TEX11: variants seen among roughly 807,000 people sequenced by gnomAD.
TEX11 encodes testis expressed 11, also known as testis-expressed protein 11.
A neutral mutation model predicts 84.4 loss-of-function variants in TEX11; 7 were observed. The ratio of observed to expected loss-of-function variants is 0.08; its 90% CI spans 0.05 to 0.16. The LOEUF (loss-of-function observed/expected upper bound fraction) is 0.16. Ranked by LOEUF, TEX11 falls within the 10% of genes least tolerant of loss-of-function variation. The pLI is 1.00. For synonymous variants in TEX11, 264 were observed against 222.8 expected (o/e 1.18, Z -1.64); for missense variants, 551 against 660.5 (o/e 0.83, Z 1.82).
At chrX:70,760,991 G>A (rs910778951) in intron 9 of TEX11, among the ~76,000 whole-genome samples, 14 of 111,993 alleles carry the variant, frequency 1.3e-4, no homozygotes, top group Admixed American at 5.7e-4. Flanking sequence ...TTTATGCAGC[G>A]AACAGACATA....
intron 9 of TEX11, among the ~76,000 whole-genome samples, chrX:70,797,573 G>A (rs2091162734): frequency 9.2e-6 from 1 of 108,791 alleles, no homozygotes; most frequent in South Asian, 4.0e-4. Context: ...GCCAGACAAG[G>A]ACATGACAAA....
the TEX11 span, among the ~76,000 whole-genome samples, chrX:70,512,211 C>T: frequency 9.3e-6 from 1 of 107,387 alleles, no homozygotes; most frequent in Non-Finnish European, 1.9e-5. Context: ...CCAGTTCAAC[C>T]TTCTCCACAA....
chrX:70,626,340 T>A (rs1031977832), intron 18 of TEX11, among the ~76,000 whole-genome samples: 1 of 110,368 alleles, frequency 9.1e-6, no homozygotes, highest in Non-Finnish European at 1.9e-5. Flanking sequence ...CTCCTTAAGT[T>A]TTGTGCCCTA....
At chrX:70,875,584 CAA>C (rs34342977) in intron 3 of TEX11, among the ~76,000 whole-genome samples, 4 of 60,044 alleles carry the variant, frequency 6.7e-5, no homozygotes, top group Non-Finnish European at 6.9e-5. Flanking sequence ...ACTAAAAATA[CAA>C]AAAAAAAAAA....
At chrX:70,694,656 T>C (rs2090265063) in intron 13 of TEX11, among the ~76,000 whole-genome samples, 2 of 112,001 alleles carry the variant, frequency 1.8e-5, no homozygotes, top group South Asian at 7.4e-4. Context: ...TTCTTGAAAA[T>C]TTAAATACAT....
At chrX:70,741,040 T>G (rs1477471972) in intron 10 of TEX11, among the ~76,000 whole-genome samples, 1 of 111,439 alleles carries the variant, frequency 9.0e-6, no homozygotes. Context: ...AATATAATTA[T>G]GTTAATATAA....
intron 28 of TEX11, among the ~76,000 whole-genome samples, chrX:70,536,750 G>A (rs1334654114): frequency 8.9e-6 from 1 of 111,791 alleles, no homozygotes; most frequent in Non-Finnish European, 1.9e-5. Context: ...TATTTGATAA[G>A]GCAAGTCCTT....
intron 10 of TEX11, among the ~76,000 whole-genome samples, chrX:70,742,666 G>A (rs918516737): frequency 9.1e-6 from 1 of 110,373 alleles, no homozygotes; most frequent in Admixed American, 9.8e-5. Flanking sequence ...GAGTTTGAAG[G>A]TTACAGTGAG....
intron 8 of TEX11, among the ~76,000 whole-genome samples, chrX:70,829,848 C>G (rs376581211): frequency 1.9e-5 from 2 of 107,933 alleles, no homozygotes; most frequent in African/African-American, 6.8e-5. Flanking sequence ...TGAAAAACAA[C>G]GAAAATAAAA....
intron 7 of TEX11, among the ~76,000 whole-genome samples, chrX:70,839,978 T>TG (rs1395572951): frequency 3.6e-5 from 4 of 111,386 alleles, no homozygotes; most frequent in Admixed American, 9.6e-5. Flanking sequence ...TATGGGACTA[T>TG]TGAAAAGACC....
intron 25 of TEX11, among the ~76,000 whole-genome samples, chrX:70,566,787 G>T (rs2043373482): frequency 9.0e-6 from 1 of 111,649 alleles, no homozygotes; most frequent in Admixed American, 9.6e-5. Flanking sequence ...TTTTTGATGT[G>T]CTACTGGATT....
intron 2 of TEX11, among the ~76,000 whole-genome samples, chrX:70,883,867 T>C (rs1455729527): frequency 9.0e-6 from 1 of 111,548 alleles, no homozygotes; most frequent in Non-Finnish European, 1.9e-5. Flanking sequence ...ATTTTCCCTG[T>C]CCTTGAGGAA....
At chrX:70,840,917 CAAG>C (rs1465128549) in intron 7 of TEX11, among the ~76,000 whole-genome samples, 1 of 111,041 alleles carries the variant, frequency 9.0e-6, no homozygotes, top group Non-Finnish European at 1.9e-5. Context: ...ATCAATTCAA[CAAG>C]AAGAACTAAC....
intron 24 of TEX11, among the ~76,000 whole-genome samples, chrX:70,593,076 C>G (rs1157349722): frequency 1.8e-5 from 2 of 109,232 alleles, no homozygotes; most frequent in Non-Finnish European, 3.8e-5. Flanking sequence ...CACACACACA[C>G]ACACACACAC....
chrX:70,740,210 C>T (rs911429906), intron 11 of TEX11, among the ~76,000 whole-genome samples: 3 of 111,596 alleles, frequency 2.7e-5, no homozygotes, highest in African/African-American at 9.8e-5. Flanking sequence ...ACTTTACAAA[C>T]AACAGATATT....
chrX:70,569,513 T>C (rs2088554243), intron 25 of TEX11, among the ~76,000 whole-genome samples: 2 of 111,689 alleles, frequency 1.8e-5, no homozygotes, highest in South Asian at 7.6e-4. Context: ...TTTTCTGCTC[T>C]GTTTTTTCCC....
At chrX:70,548,431 T>C (rs2088167469) in intron 28 of TEX11, among the ~76,000 whole-genome samples, 1 of 105,490 alleles carries the variant, frequency 9.5e-6, no homozygotes, top group African/African-American at 3.5e-5. Flanking sequence ...TAATAAAATT[T>C]AAAAAATAAT....
intron 9 of TEX11, among the ~76,000 whole-genome samples, chrX:70,784,916 G>C: frequency 8.9e-6 from 1 of 111,807 alleles, no homozygotes; most frequent in Admixed American, 9.6e-5. Flanking sequence ...GTAATTTATA[G>C]ATTCAATGCC....
chrX:70,624,028 A>G lies in TEX11; in HGVS notation c.1695-22T>C, dbSNP rs190899222. On this transcript the variant is annotated intron_variant, in intron 19 of 29. Coordinates refer to ENST00000374333, the MANE Select transcript of TEX11 (RefSeq NM_031276.3). The stretch of plus-strand genomic sequence containing the variant: ...ACACCTGTATGACAAAGTAATATGG[A>G]AAGTGATTCTTAGGTTAGGAAGAAA... 4,156 of 1,177,596 alleles carry G rather than the reference A, an allele frequency of 3.5e-3. 9 individuals are homozygous for G. The highest frequency in any genetic ancestry group is 4.5e-3 in the Non-Finnish European group (3,889 of 871,327).
Sources: allele counts gnomAD v4.1 joint callset (sites outside exome capture counted in the v4.1 genomes callset), GRCh38; gene constraint gnomAD v4.1.1; transcripts MANE v1.5; gene names NCBI Gene and HGNC (gene_info 2026-07-23, HGNC 2026-07-21).